SLC2A2: variants seen among roughly 807,000 people sequenced by gnomAD.
SLC2A2 encodes the protein solute carrier family 2, facilitated glucose transporter member 2.
Under a neutral mutation model 54.5 loss-of-function variants are expected in SLC2A2, and 36 were observed. The observed-to-expected ratio is 0.66, with a 90% CI of 0.51 to 0.87. SLC2A2 has a LOEUF of 0.87. SLC2A2 is among the 40% of genes least tolerant of loss of function. SLC2A2 has a pLI of 0.00. For synonymous variants in SLC2A2, 223 were observed against 219.1 expected, an observed-to-expected ratio of 1.02 and a Z score of -0.16; for missense variants, 543 against 624.3, an observed-to-expected ratio of 0.87 and a Z score of 1.39.
At chr3:171,011,823 G>T (rs1016414256) in intron 3 of SLC2A2, among the ~76,000 whole-genome samples, 7 of 151,904 alleles carry the variant, frequency 4.6e-5, no homozygotes, top group Admixed American at 2.0e-4. Context: ...CTTTTATTAG[G>T]GGAAAAAAGA....
At position 171,018,919 on chromosome 3, in the gene SLC2A2, A is replaced by T. The variant is rs11917504; in HGVS notation, c.16-296T>A. Among the ~76,000 whole-genome samples, 35,287 of 151,662 alleles carry T rather than the reference A, an allele frequency of 0.23. 6,416 individuals carry two copies. Among genetic ancestry groups the T allele is most frequent in the African/African-American group, 0.51 (21,132 of 41,276 alleles). On this transcript the variant is annotated intron_variant, in intron 1 of 10. Coordinates refer to ENST00000314251, the MANE Select transcript of SLC2A2 (RefSeq NM_000340.2). ...GTATGAGAATAGCATACCTCTCCTG[A>T]CTATTCACCGGATACCAGAATAGGG...
At chr3:171,007,115 G>T (rs759604541) in intron 5 of SLC2A2, 33 bp downstream of exon 5, 4 of 1,182,476 alleles carry the variant, frequency 3.4e-6, no homozygotes, top group Non-Finnish European at 5.1e-6. Flanking sequence ...AAGTAGATGG[G>T]TGCAGTAGGG....
intron 7 of SLC2A2, among the ~76,000 whole-genome samples, chr3:171,003,411 T>C (rs753904425): frequency 1.3e-4 from 18 of 140,224 alleles, no homozygotes; most frequent in Non-Finnish European, 2.5e-4. Flanking sequence ...AATACTCAAC[T>C]CTAGAAGCCA....
At chr3:171,003,729 G>A (rs1194589546) in intron 7 of SLC2A2, among the ~76,000 whole-genome samples, 4 of 151,954 alleles carry the variant, frequency 2.6e-5, no homozygotes, top group Non-Finnish European at 5.9e-5. Flanking sequence ...AGTGCTGCTA[G>A]GAACATTCTA....
At chr3:171,018,961 A>G (rs1399535017) in intron 1 of SLC2A2, among the ~76,000 whole-genome samples, 2 of 151,942 alleles carry the variant, frequency 1.3e-5, no homozygotes, top group African/African-American at 4.8e-5. Context: ...AAAATATATG[A>G]GAAAAATGAT....
chr3:171,008,261 T>G (rs949836340), intron 4 of SLC2A2, among the ~76,000 whole-genome samples: 4 of 152,096 alleles, frequency 2.6e-5, no homozygotes, highest in African/African-American at 9.7e-5. Flanking sequence ...ATGTCTCAAA[T>G]GAACATTTAC....
chr3:171,014,688 T>C lies in SLC2A2; in HGVS notation c.152A>G (p.Asp51Gly). ...ATAGTTGTTGATAGCTTTTCGGTCA[T>C]CCAGTGGAACACCCAAAACATGTCT... ...HYRHVLGVPL[D>G]DRKAINNYVI... Residue 51 changes from aspartate (D) to glycine (G), a missense_variant, in exon 3 of 11, where the codon GAT becomes GGT. Around this residue, in one of 3 missense-constraint regions of SLC2A2, gnomAD observed 318 missense variants for 343.8 expected, o/e 0.93. Transcript: ENST00000314251. 6.2e-7 allele frequency: 1 copy of C among 1,613,866 alleles called. No homozygotes were observed. The highest frequency in any genetic ancestry group is 8.5e-7 in the Non-Finnish European group (1 of 1,179,702).
chr3:171,011,630 A>G (rs775370932), intron 3 of SLC2A2, among the ~76,000 whole-genome samples: 25 of 152,290 alleles, frequency 1.6e-4, no homozygotes, highest in Middle Eastern at 3.4e-3. Flanking sequence ...GCAATGTGAA[A>G]TGAGTATAGG....
chr3:171,025,337 T>TTATAA (rs200620667), intron 1 of SLC2A2, among the ~76,000 whole-genome samples: 27,063 of 143,624 alleles, frequency 0.19, 3,814 homozygotes, highest in African/African-American at 0.42. Flanking sequence ...CTTTTATAAT[T>TTATAA]TATAAATACT....
Position 170,998,264 on chromosome 3 carries a change from C to T in SLC2A2, c.1303G>A (p.Ala435Thr), listed in dbSNP as rs754405476. The T allele has an allele frequency of 6.2e-7, 1 of 1,613,684 alleles. No homozygotes were observed. The highest frequency in any genetic ancestry group is 1.7e-5 in the Admixed American group (1 of 59,904). The change falls in exon 10 of 11, where the codon GCT (alanine) becomes ACT (threonine). Residue 435 changes from alanine (A) to threonine (T), a missense_variant. Physicochemically the swap from Ala to Thr is moderately conservative, Grantham distance 58 (BLOSUM62 0). Transcript: ENST00000314251. ...TTGCTGAATGCAGCTATTGCTAAAG[C>T]AGCAGGACGTGGTCCTTGACTGAAA... Reference protein sequence around the residue: ...EFFSQGPRPAALAIAAFSNWT... With the variant: ...EFFSQGPRPATLAIAAFSNWT...
chr3:171,008,054 A>C (rs1223138072), intron 4 of SLC2A2, among the ~76,000 whole-genome samples: 1 of 152,094 alleles, frequency 6.6e-6, no homozygotes, highest in Non-Finnish European at 1.5e-5. Context: ...TGCTGACTGC[A>C]TAAAAAGTTC....
Position 171,026,703 on chromosome 3 carries a change from C to CAA in SLC2A2, c.-34_-33insTT. 6.2e-7 allele frequency: 1 copy of CAA among 1,607,890 alleles called. No homozygotes were observed. Among genetic ancestry groups the CAA allele is most frequent in the African/African-American group, 1.3e-5 (1 of 74,926 alleles). ...GTTGGGAGTCCTGTCAATTCCAGGT[C>CAA]TTGTGTGAGTGTGGCACATGCACCT... On this transcript the variant is annotated 5_prime_UTR_variant, in exon 1 of 11. Transcript: ENST00000314251.
intron 2 of SLC2A2, among the ~76,000 whole-genome samples, chr3:171,017,548 C>G (rs1432396044): frequency 6.6e-6 from 1 of 152,186 alleles, no homozygotes; most frequent in Non-Finnish European, 1.5e-5. Flanking sequence ...ACAGAAGGCA[C>G]CGAAAAAATG....
intron 2 of SLC2A2, among the ~76,000 whole-genome samples, chr3:171,015,643 A>T (rs1327236289): frequency 6.6e-6 from 1 of 152,224 alleles, no homozygotes; most frequent in Non-Finnish European, 1.5e-5. Context: ...TAGCATACAG[A>T]ATTCAAACAC....
chr3:171,013,281 A>C (rs1027583179), intron 3 of SLC2A2, among the ~76,000 whole-genome samples: 1 of 152,158 alleles, frequency 6.6e-6, no homozygotes, highest in Non-Finnish European at 1.5e-5. Flanking sequence ...AACTTGATAC[A>C]CATTGAAATT....
At chr3:171,018,446 C>A (rs1466128800) in intron 2 of SLC2A2, 85 bp downstream of exon 2, 2 of 962,060 alleles carry the variant, frequency 2.1e-6, no homozygotes, top group Admixed American at 3.4e-5. Context: ...CACGTGGACA[C>A]CCTTTATCTC....
At chr3:171,002,773 G>A (rs1284170431) in intron 7 of SLC2A2, 93 bp from the exon 8 acceptor site, 1 of 789,340 alleles carries the variant, frequency 1.3e-6, no homozygotes, top group East Asian at 2.7e-5. Context: ...ATTTTTAGTT[G>A]TTTCTATAGC....
At chr3:171,025,414 C>T (rs1716645509) in intron 1 of SLC2A2, among the ~76,000 whole-genome samples, 1 of 151,154 alleles carries the variant, frequency 6.6e-6, no homozygotes, top group East Asian at 1.9e-4. Context: ...TTGTCTAAGC[C>T]TCTCTAATAT....
intron 8 of SLC2A2, 49 bp downstream of exon 8, chr3:171,002,527 T>A: frequency 1.4e-5 from 16 of 1,162,612 alleles, no homozygotes; most frequent in Non-Finnish European, 1.9e-5. Flanking sequence ...CCTCCTGCAA[T>A]TTCTGGACTA....
Sources: allele counts gnomAD v4.1 joint callset (sites outside exome capture counted in the v4.1 genomes callset), GRCh38; gene constraint gnomAD v4.1.1; regional missense constraint gnomAD v4.1.1; transcripts MANE v1.5; gene names NCBI Gene and HGNC (gene_info 2026-07-23, HGNC 2026-07-21).